Variants in CSMD3 observed in about 807,000 individuals in gnomAD.
CSMD3 encodes CUB and Sushi multiple domains 3.
CSMD3 carries 177 observed loss-of-function variants against 435.2 expected under a neutral mutation model. The ratio of observed to expected loss-of-function variants is 0.41; its 90% CI spans 0.36 to 0.46. The LOEUF is 0.46. CSMD3 is among the 20% of genes least tolerant of loss of function. The pLI is 0.34. For synonymous variants in CSMD3, 1,656 were observed against 1,520.5 expected (o/e 1.09, Z -2.07); for missense variants, 4,265 against 4,504.6 (o/e 0.95, Z 1.52).
chr8:112,870,753 A>C (rs556016925), intron 10 of CSMD3, among the ~76,000 whole-genome samples: 35 of 152,236 alleles, frequency 2.3e-4, no homozygotes, highest in African/African-American at 8.2e-4. Flanking sequence ...TTGAAACACT[A>C]TGCTGGGTGG....
chr8:113,095,565 TA>T (rs1271744095), intron 5 of CSMD3, among the ~76,000 whole-genome samples: 1 of 152,196 alleles, frequency 6.6e-6, no homozygotes, highest in African/African-American at 2.4e-5. Flanking sequence ...AATTCCATTA[TA>T]ATTTTTTCTT....
In CSMD3 at chr8:112,515,888, T is replaced by C. The variant is rs968526615; in HGVS notation, c.4756+1146A>G. Among the ~76,000 whole-genome samples, 3 of 152,170 alleles carry C rather than the reference T, an allele frequency of 2.0e-5. 1 individual carries two copies. The East Asian group carries it at 5.8e-4, about 29-fold the overall frequency. On this transcript the variant is annotated intron_variant, in intron 28 of 70. Coordinates refer to ENST00000297405, the MANE Select transcript of CSMD3 (RefSeq NM_198123.2). ...ATTATTTCACTGCAAAGTAAGTTCATAGGAACAGAGTACTTTTCTGTCTTG... is the reference window on the plus strand; with the variant it reads ...ATTATTTCACTGCAAAGTAAGTTCACAGGAACAGAGTACTTTTCTGTCTTG...
chr8:112,553,597 C>G (rs531197437), intron 25 of CSMD3, among the ~76,000 whole-genome samples: 95 of 152,064 alleles, frequency 6.2e-4, no homozygotes, highest in African/African-American at 2.2e-3. Flanking sequence ...CATGAGAACC[C>G]TCCCCTTATG....
intron 59 of CSMD3, among the ~76,000 whole-genome samples, chr8:112,267,463 A>G (rs1336324814): frequency 1.3e-5 from 2 of 152,162 alleles, no homozygotes; most frequent in Non-Finnish European, 2.9e-5. Context: ...ACAATACGTC[A>G]TCTCTTTTTA....
chr8:112,619,955 A>G (rs1833942630), intron 22 of CSMD3, among the ~76,000 whole-genome samples: 1 of 31,142 alleles, frequency 3.2e-5, no homozygotes, highest in Non-Finnish European at 6.7e-5. Flanking sequence ...ACAAACAACA[A>G]AAAAAGTTCA....
intron 4 of CSMD3, among the ~76,000 whole-genome samples, chr8:113,162,571 CAAAA>C (rs753811903): frequency 1.3e-4 from 8 of 59,782 alleles, no homozygotes; most frequent in Admixed American, 1.9e-4. Context: ...GTCCCCACAT[CAAAA>C]AAAAAAAAAA....
chr8:112,355,551 A>T (rs1826513573), intron 38 of CSMD3, among the ~76,000 whole-genome samples: 1 of 152,174 alleles, frequency 6.6e-6, no homozygotes, highest in African/African-American at 2.4e-5. Flanking sequence ...AAAGTGGGCA[A>T]GGCCGTGCGT....
intron 31 of CSMD3, among the ~76,000 whole-genome samples, chr8:112,485,869 A>C (rs1321227440): frequency 6.6e-6 from 1 of 152,030 alleles, no homozygotes. Context: ...CTGGATGTCT[A>C]ATCTTAACAT....
chr8:113,291,039 C>G (rs1362251974), intron 2 of CSMD3, among the ~76,000 whole-genome samples: 1 of 151,190 alleles, frequency 6.6e-6, no homozygotes, highest in Non-Finnish European at 1.5e-5. Context: ...AACATAATTA[C>G]ATAATAATGT....
intron 53 of CSMD3, among the ~76,000 whole-genome samples, chr8:112,296,608 G>C (rs1820312846): frequency 6.6e-6 from 1 of 151,578 alleles, no homozygotes; most frequent in Non-Finnish European, 1.5e-5. Flanking sequence ...TAGAGGTACA[G>C]ATAAAGCATT....
intron 2 of CSMD3, among the ~76,000 whole-genome samples, chr8:113,288,315 T>C (rs997975314): frequency 7.2e-5 from 11 of 151,880 alleles, no homozygotes; most frequent in African/African-American, 2.7e-4. Flanking sequence ...AAAATGTAGA[T>C]ATTCTCAGCT....
At chr8:113,072,113 T>C (rs2089147496) in intron 5 of CSMD3, among the ~76,000 whole-genome samples, 1 of 151,828 alleles carries the variant, frequency 6.6e-6, no homozygotes, top group Admixed American at 6.6e-5. Flanking sequence ...GGTTTGTTGT[T>C]TCAATATAAA....
At chr8:112,484,184 A>G (rs1017056320) in intron 31 of CSMD3, among the ~76,000 whole-genome samples, 1 of 152,184 alleles carries the variant, frequency 6.6e-6, no homozygotes, top group Non-Finnish European at 1.5e-5. Flanking sequence ...ATGAAGAAGA[A>G]AAATGTCTAT....
chr8:113,011,948 T>A (rs1349454226), intron 6 of CSMD3, among the ~76,000 whole-genome samples: 1 of 151,794 alleles, frequency 6.6e-6, no homozygotes, highest in Non-Finnish European at 1.5e-5. Context: ...AGTAAAATAA[T>A]TTTCTATGTT....
At chr8:112,363,817 T>C (rs907137472) in intron 38 of CSMD3, among the ~76,000 whole-genome samples, 9 of 152,036 alleles carry the variant, frequency 5.9e-5, no homozygotes, top group Non-Finnish European at 8.8e-5. Flanking sequence ...CTTATTTGCA[T>C]GCAATGTATT....
intron 28 of CSMD3, among the ~76,000 whole-genome samples, chr8:112,515,518 G>C (rs916933741): frequency 6.6e-6 from 1 of 151,918 alleles, no homozygotes; most frequent in Non-Finnish European, 1.5e-5. Flanking sequence ...TTGTTTCCCC[G>C]GATCGTATGA....
chr8:112,319,801 G>A, intron 46 of CSMD3, 100 bp downstream of exon 46: 1 of 835,398 alleles, frequency 1.2e-6, no homozygotes, highest in South Asian at 1.3e-5. Context: ...GGGAATGAGG[G>A]TCTCAAGACA....
chr8:112,960,459 C>G (rs184645457), intron 7 of CSMD3, among the ~76,000 whole-genome samples: 90 of 151,698 alleles, frequency 5.9e-4, no homozygotes, highest in Non-Finnish European at 1.5e-4. Context: ...AAAAAAGTGA[C>G]TAGAGGTATC....
At chr8:113,002,087 C>T (rs571349423) in intron 6 of CSMD3, among the ~76,000 whole-genome samples, 1 of 152,132 alleles carries the variant, frequency 6.6e-6, no homozygotes, top group African/African-American at 2.4e-5. Flanking sequence ...GTTGTAACAG[C>T]TGTTTGAATA....
Sources: gnomAD v4.1 joint callset for allele counts (sites outside exome capture counted in the v4.1 genomes callset) on GRCh38, gnomAD v4.1.1 for gene constraint, MANE v1.5 for transcripts, NCBI Gene and HGNC (gene_info 2026-07-23, HGNC 2026-07-21) for gene names.